KHDC1: variants seen among roughly 807,000 people sequenced by gnomAD.
KHDC1 encodes KH homology domain-containing protein 1.
A neutral mutation model predicts 24.7 loss-of-function variants in KHDC1; 21 were observed. The ratio of observed to expected loss-of-function variants is 0.85; its 90% CI spans 0.60 to 1.23. KHDC1 has a LOEUF of 1.23. KHDC1 is among the 50% of genes most tolerant of loss of function. The pLI, the probability that KHDC1 is intolerant of heterozygous loss-of-function variation, is 0.00. For synonymous variants in KHDC1, 98 were observed against 111.7 expected, an observed-to-expected ratio of 0.88 and a Z score of 0.77; for missense variants, 274 against 298.5, an observed-to-expected ratio of 0.92 and a Z score of 0.61.
chr6:73,278,993 C>A (rs1301646922), intron 2 of KHDC1, among the ~76,000 whole-genome samples: 1 of 152,188 alleles, frequency 6.6e-6, no homozygotes, highest in Admixed American at 6.6e-5. Context: ...GATGATAAAT[C>A]TGTATTCTTC....
intron 1 of KHDC1, among the ~76,000 whole-genome samples, chr6:73,293,763 G>A (rs1582585054): frequency 7.1e-6 from 1 of 141,008 alleles, no homozygotes; most frequent in East Asian, 2.1e-4. Context: ...CCAGCACTTT[G>A]GGAGGCCAAG....
chr6:73,274,811 G>A (rs1272540987), intron 2 of KHDC1: 1 of 152,260 alleles, frequency 6.6e-6, no homozygotes, highest in Non-Finnish European at 1.5e-5. Flanking sequence ...GAAACAACTG[G>A]AGCAAAGAAG....
At chr6:73,295,910 G>C (rs1057388591) in intron 1 of KHDC1, among the ~76,000 whole-genome samples, 1 of 151,802 alleles carries the variant, frequency 6.6e-6, no homozygotes, top group Non-Finnish European at 1.5e-5. Context: ...GGGAGGCCGA[G>C]GTGGGTGGAT....
At chr6:73,309,415 T>C (rs909444811) in intron 1 of KHDC1, 3 of 804,960 alleles carry the variant, frequency 3.7e-6, no homozygotes, top group Admixed American at 4.0e-5. Flanking sequence ...TTTTTTAACA[T>C]GGTGATTTGC....
At chr6:73,247,166 C>T (rs201117867) in intron 2 of KHDC1, among the ~76,000 whole-genome samples, 4 of 151,706 alleles carry the variant, frequency 2.6e-5, no homozygotes, top group East Asian at 3.9e-4. Flanking sequence ...TTAGTAGAGA[C>T]GGGGTTTCAC....
At chr6:73,271,306 G>A (rs1342594379) in intron 2 of KHDC1, among the ~76,000 whole-genome samples, 3 of 151,496 alleles carry the variant, frequency 2.0e-5, no homozygotes, top group African/African-American at 7.3e-5. Context: ...CGCCCTCTGG[G>A]TCCAAGTGAT....
chr6:73,279,379 G>A (rs1767361351), intron 2 of KHDC1, among the ~76,000 whole-genome samples: 1 of 152,010 alleles, frequency 6.6e-6, no homozygotes, highest in Admixed American at 6.6e-5. Context: ...CAGCCTAGGT[G>A]ACAGACCGAG....
chr6:73,308,262 G>T (rs1768009109), intron 1 of KHDC1, among the ~76,000 whole-genome samples: 1 of 151,856 alleles, frequency 6.6e-6, no homozygotes, highest in Non-Finnish European at 1.5e-5. Context: ...TTTTAGTAGA[G>T]ACAGGGTTTC....
At chr6:73,292,914 T>A in intron 1 of KHDC1, 1 of 814,972 alleles carries the variant, frequency 1.2e-6, no homozygotes, top group East Asian at 3.0e-5. Context: ...AACGACTTCT[T>A]GGTGGCTTGT....
At chr6:73,266,863 A>T (rs2150582942) in intron 2 of KHDC1, among the ~76,000 whole-genome samples, 1 of 152,348 alleles carries the variant, frequency 6.6e-6, no homozygotes, top group South Asian at 2.1e-4. Context: ...TGTATCTGAT[A>T]AGAGATTAAT....
At chr6:73,291,293 C>A in intron 2 of KHDC1, 1 of 224,692 alleles carries the variant, frequency 4.5e-6, no homozygotes, top group Middle Eastern at 1.6e-3. Context: ...AGCTCTTAAA[C>A]AAGATGGAAA....
At chr6:73,258,935 G>C (rs1212937735) in intron 2 of KHDC1, among the ~76,000 whole-genome samples, 3 of 152,244 alleles carry the variant, frequency 2.0e-5, no homozygotes. Context: ...ATGGTCTCAA[G>C]CTTTGAGTGG....
chr6:73,283,912 C>T (rs569224314), intron 2 of KHDC1, among the ~76,000 whole-genome samples: 1 of 152,018 alleles, frequency 6.6e-6, no homozygotes, highest in African/African-American at 2.4e-5. Flanking sequence ...TATTTTCCCA[C>T]TCCACCCTTC....
intron 2 of KHDC1, among the ~76,000 whole-genome samples, chr6:73,286,001 T>C (rs1315664784): frequency 6.6e-6 from 1 of 152,154 alleles, no homozygotes; most frequent in Non-Finnish European, 1.5e-5. Context: ...AATAATCACA[T>C]TTAGGAAGGG....
At chr6:73,242,770 C>T (rs1766598170) in intron 2 of KHDC1, among the ~76,000 whole-genome samples, 1 of 152,106 alleles carries the variant, frequency 6.6e-6, no homozygotes, top group Non-Finnish European at 1.5e-5. Context: ...CTTTCTGATG[C>T]CCCGGAATCA....
intron 1 of KHDC1, chr6:73,300,081 A>G (rs1034746794): frequency 5.9e-5 from 9 of 151,788 alleles, no homozygotes; most frequent in African/African-American, 2.2e-4. Flanking sequence ...AGCCTCCCCT[A>G]CTCATCCCCT....
At chr6:73,254,155 GATAATAAAT>G (rs1481700627) in intron 2 of KHDC1, among the ~76,000 whole-genome samples, 2 of 152,024 alleles carry the variant, frequency 1.3e-5, no homozygotes, top group Non-Finnish European at 1.5e-5. Context: ...AAAATCCACA[GATAATAAAT>G]ATAAAAAGAT....
At chr6:73,262,778 T>C (rs555729659) in intron 2 of KHDC1, 508 of 985,398 alleles carry the variant, frequency 5.2e-4, no homozygotes, top group Non-Finnish European at 5.3e-4. Flanking sequence ...ACCCACCAGA[T>C]AGGATGCTCT....
rs751075577 is a variant in KHDC1 at position 73,242,532 on chromosome 6, T to C, written c.207-2A>G. ...CCCATGTCCATGCTCTGCTCCGACC[T>C]GATACAGAATAGGGCCAAGTCCAAG... On this transcript the variant is annotated splice_acceptor_variant, in intron 2 of 4. Coordinates refer to ENST00000370384, the Ensembl canonical transcript of KHDC1. LOFTEE classifies it high-confidence loss of function. 6.2e-7 allele frequency: 1 copy of C among 1,614,040 alleles called. No homozygotes were observed. Among genetic ancestry groups the C allele is most frequent in the Non-Finnish European group, 8.5e-7 (1 of 1,179,978 alleles).
Sources: allele counts gnomAD v4.1 joint callset (sites outside exome capture counted in the v4.1 genomes callset), GRCh38; gene constraint gnomAD v4.1.1; transcripts MANE v1.5; gene names NCBI Gene and HGNC (gene_info 2026-07-23, HGNC 2026-07-21).